Variants in HELB observed in about 807,000 individuals in gnomAD.
HELB encodes the protein DNA 5'-3' helicase B.
In HELB, 96 loss-of-function variants were observed where a neutral mutation model predicts 101.7. The ratio of observed to expected loss-of-function variants is 0.94; its 90% CI spans 0.80 to 1.12. The LOEUF (loss-of-function observed/expected upper bound fraction) is 1.12. Among genes scored for constraint, HELB ranks in the 50% most tolerant of loss-of-function variants. The pLI, the probability that HELB is intolerant of heterozygous loss-of-function variation, is 0.00. For missense variants in HELB, 1,210 were observed against 1,291.9 expected (o/e 0.94, Z 0.97); for synonymous variants, 437 against 459.7 (o/e 0.95, Z 0.63).
intron 3 of HELB, among the ~76,000 whole-genome samples, 156 bp from the exon 4 acceptor site, chr12:66,309,550 C>T (rs1454978059): frequency 2.6e-5 from 4 of 151,968 alleles, no homozygotes; most frequent in Non-Finnish European, 4.4e-5. Context: ...TCTCTAATTA[C>T]GGTGCAGCCA....
At chr12:66,312,808 A>G (rs1232595299) in intron 4 of HELB, among the ~76,000 whole-genome samples, 4 of 152,228 alleles carry the variant, frequency 2.6e-5, no homozygotes, top group African/African-American at 4.8e-5. Context: ...ATTTTTTAGT[A>G]TAAGTTTGTA....
intron 4 of HELB, among the ~76,000 whole-genome samples, chr12:66,311,551 G>A (rs142124733): frequency 3.3e-5 from 5 of 152,168 alleles, no homozygotes; most frequent in Non-Finnish European, 7.4e-5. Flanking sequence ...TTCTCATGGG[G>A]GCTGGTTACA....
At chr12:66,339,121 T>G (rs930043838), downstream of HELB, 1 of 152,224 alleles carries the variant, frequency 6.6e-6, no homozygotes, top group African/African-American at 2.4e-5. Flanking sequence ...TATATCCCAC[T>G]GCTCAAAGTC....
In HELB at chr12:66,306,468, T is replaced by C. The variant is rs2136987296; in HGVS notation, c.731T>C (p.Ile244Thr). 1.2e-6 allele frequency: 2 copies of C among 1,604,390 alleles called. No homozygotes were observed. The highest frequency in any genetic ancestry group is 2.2e-5 in the South Asian group (2 of 89,082). Residue 244 changes from isoleucine to threonine, a missense_variant, in exon 3 of 13, where the codon ATA becomes ACA. Around this residue, in one of 2 missense-constraint regions of HELB, gnomAD observed 470 missense variants for 563.1 expected, o/e 0.83. Coordinates refer to ENST00000247815, the MANE Select transcript of HELB (RefSeq NM_001370285.1). ...GGTTCTAAAGAGATGTTGAAAGAGA[T>C]AGAAGAGATTTTAGGTACACATCCG... is the stretch of plus-strand genomic sequence containing the variant. The part of the protein sequence containing the change: ...GSGSKEMLKE[I>T]EEILGTHPWK...
downstream of HELB, chr12:66,339,148 T>A (rs942855993): frequency 2.6e-5 from 4 of 152,210 alleles, no homozygotes; most frequent in Non-Finnish European, 4.4e-5. Context: ...AACGTCTGAT[T>A]GCAAAAATTC....
At chr12:66,326,014 A>G (rs1471429122) in intron 11 of HELB, among the ~76,000 whole-genome samples, 3 of 152,194 alleles carry the variant, frequency 2.0e-5, no homozygotes, top group Non-Finnish European at 4.4e-5. Context: ...AGAAATTACT[A>G]TTGCTGTAAG....
At chr12:66,336,473 A>G (rs2053867251) in intron 12 of HELB, among the ~76,000 whole-genome samples, 1 of 152,226 alleles carries the variant, frequency 6.6e-6, no homozygotes, top group African/African-American at 2.4e-5. Flanking sequence ...AAGTGCTGGC[A>G]GCAGACTTGT....
At chr12:66,317,279 C>T (rs2053619148) in intron 6 of HELB, among the ~76,000 whole-genome samples, 1 of 152,154 alleles carries the variant, frequency 6.6e-6, no homozygotes, top group Non-Finnish European at 1.5e-5. Flanking sequence ...CATACTTGGC[C>T]TCATGGCTCG....
At position 66,309,946 on chromosome 12, in the gene HELB, G is replaced by C. The variant is rs758612313; in HGVS notation, c.1018G>C (p.Asp340His). The change falls in exon 4 of 13, where the codon GAT becomes CAT. Residue 340 changes from aspartate (D) to histidine (H), a missense_variant. Physicochemically the swap from Asp to His is moderately conservative, Grantham distance 81. This residue lies in a region of HELB where 470 missense variants were observed against 563.1 expected (regional missense o/e 0.83). Coordinates refer to ENST00000247815, the MANE Select transcript of HELB (RefSeq NM_001370285.1). ...TTCAGAGTCTCTGAAGTTTTTGAAG[G>C]ATATTGGTGTGGTGACATATGAGAA... ...AASESLKFLK[D>H]IGVVTYEKSC... The C allele has an allele frequency of 1.9e-6, 3 of 1,614,182 alleles. No individual in the cohort carries two copies. Among genetic ancestry groups the C allele is most frequent in the Admixed American group, 3.3e-5 (2 of 60,022 alleles).
chr12:66,310,358 G>T lies in HELB; in HGVS notation c.1430G>T (p.Gly477Val). The T allele has an allele frequency of 6.2e-7, 1 of 1,614,208 alleles. No homozygotes were observed. Among genetic ancestry groups the T allele is most frequent in the Non-Finnish European group, 8.5e-7 (1 of 1,180,034 alleles). Residue 477 changes from glycine (G) to valine (V), a missense_variant, in exon 4 of 13, where the codon GGT becomes GTT. Gly to Val is a moderately radical substitution (Grantham distance 109, BLOSUM62 -3). Around this residue, in one of 2 missense-constraint regions of HELB, gnomAD observed 740 missense variants for 728.8 expected, o/e 1.02. Transcript: ENST00000247815. ...CCTGTGACAGTCATAAGTGGGAAAG[G>T]TGGATGTGGGAAGACCACAATCGTT... ...SNPVTVISGK[G>V]GCGKTTIVSR...
chr12:66,315,560 A>G (rs1353350475), intron 6 of HELB, among the ~76,000 whole-genome samples, 177 bp downstream of exon 6: 2 of 152,212 alleles, frequency 1.3e-5, no homozygotes, highest in African/African-American at 4.8e-5. Context: ...AATGTTTTTC[A>G]TTACTGGTCC....
chr12:66,307,767 T>C (rs7311938), intron 3 of HELB, among the ~76,000 whole-genome samples: 86,937 of 149,886 alleles, frequency 0.58, 27,385 homozygotes, highest in Middle Eastern at 0.8. Flanking sequence ...TTTTTTTTTT[T>C]CCCACCCAGC....
Position 66,310,206 on chromosome 12 carries a change from C to T in HELB, c.1278C>T (p.Asp426=), listed in dbSNP as rs778049738. ...VDVVDTQDNG[D]HIWTNGENEI... ...TTGTGGACACACAGGACAATGGTGA[C>T]CATATTTGGACTAATGGTGAAAATG... Residue 426 remains aspartate (D), a synonymous_variant, in exon 4 of 13, where the codon GAC becomes GAT. Transcript: ENST00000247815. The T allele has an allele frequency of 6.2e-7, 1 of 1,614,084 alleles. No homozygotes were observed. The highest frequency in any genetic ancestry group is 8.5e-7 in the Non-Finnish European group (1 of 1,180,016).
chr12:66,327,820 C>A (rs543143128), intron 11 of HELB, among the ~76,000 whole-genome samples: 4 of 152,122 alleles, frequency 2.6e-5, no homozygotes, highest in Admixed American at 2.6e-4. Context: ...AGAAAGAAAA[C>A]TCTGTGTTAT....
At chr12:66,330,363 A>G (rs1004486788) in intron 11 of HELB, among the ~76,000 whole-genome samples, 2 of 152,130 alleles carry the variant, frequency 1.3e-5, no homozygotes, top group Non-Finnish European at 2.9e-5. Flanking sequence ...GACAAGTAGG[A>G]GAAAAAAAAG....
At chr12:66,306,537 A>G (rs570008511) in intron 3 of HELB, 23 bp downstream of exon 3, 8 of 1,510,194 alleles carry the variant, frequency 5.3e-6, no homozygotes, top group Admixed American at 4.4e-5. Context: ...TTTGCTCAGC[A>G]TATAGTAATC....
chr12:66,332,617 T>C (rs1343275424), intron 12 of HELB, among the ~76,000 whole-genome samples: 3 of 152,224 alleles, frequency 2.0e-5, no homozygotes, highest in East Asian at 3.8e-4. Flanking sequence ...AAGTGATCCT[T>C]ATTTTACTGA....
intron 1 of HELB, among the ~76,000 whole-genome samples, chr12:66,303,511 T>C (rs953697680): frequency 5.9e-5 from 9 of 152,136 alleles, no homozygotes; most frequent in African/African-American, 2.2e-4. Context: ...CGCACACCTG[T>C]AATCCTAGCT....
At chr12:66,303,633 C>G (rs1384790644) in intron 1 of HELB, among the ~76,000 whole-genome samples, 1 of 151,926 alleles carries the variant, frequency 6.6e-6, no homozygotes, top group African/African-American at 2.4e-5. Flanking sequence ...AACTCCATCT[C>G]AAAAAACGAA....
Sources: allele counts gnomAD v4.1 joint callset (sites outside exome capture counted in the v4.1 genomes callset), GRCh38; gene constraint gnomAD v4.1.1; regional missense constraint gnomAD v4.1.1; transcripts MANE v1.5; gene names NCBI Gene and HGNC (gene_info 2026-07-23, HGNC 2026-07-21).